Variants in MECOM observed in about 807,000 individuals in gnomAD.
The protein encoded by MECOM is MDS1 and EVI1 complex locus, also known as histone-lysine N-methyltransferase MECOM.
Under a neutral mutation model 116.3 loss-of-function variants are expected in MECOM, and 13 were observed. The observed-to-expected ratio is 0.11, with a 90% CI of 0.07 to 0.18. The LOEUF is 0.18. Among genes scored for constraint, MECOM ranks in the 10% least tolerant of loss-of-function variants. The pLI, the probability that MECOM is intolerant of heterozygous loss-of-function variation, is 1.00. For missense variants in MECOM, 1,299 were observed against 1,509.0 expected, an observed-to-expected ratio of 0.86 and a Z score of 2.31; for synonymous variants, 528 against 535.2, an observed-to-expected ratio of 0.99 and a Z score of 0.19.
intron 1 of MECOM, among the ~76,000 whole-genome samples, chr3:169,479,270 A>AGTGTGTGTGTGTGT (rs10629993): frequency 1.3e-5 from 2 of 148,606 alleles, no homozygotes; most frequent in African/African-American, 5.0e-5. Flanking sequence ...TAGGGATGTG[A>AGTGTGTGTGTGTGT]GTGTGTGTGT....
chr3:169,402,097 A>G (rs1735998253), intron 1 of MECOM, among the ~76,000 whole-genome samples: 1 of 152,208 alleles, frequency 6.6e-6, no homozygotes, highest in African/African-American at 2.4e-5. Flanking sequence ...CTGGAGGATG[A>G]AGAATAACAG....
At chr3:169,470,266 G>GA (rs1471710647) in intron 1 of MECOM, 6 of 152,076 alleles carry the variant, frequency 3.9e-5, no homozygotes, top group Non-Finnish European at 1.5e-5. Flanking sequence ...AAGGCCAGGG[G>GA]AAAAAATAAT....
chr3:169,332,470 C>T (rs1322681466), intron 2 of MECOM, among the ~76,000 whole-genome samples: 1 of 151,752 alleles, frequency 6.6e-6, no homozygotes, highest in Non-Finnish European at 1.5e-5. Flanking sequence ...TTTGTTGTAC[C>T]AAGACAAAAA....
In MECOM at chr3:169,381,241, C is replaced by T. The variant is rs376930807; in HGVS notation, c.321G>A (p.Gly107=). Reference sequence around the variant, plus strand: ...TTGACCTCTGCTCTCCCACATAAGGCCCAAACTTTTCACCTACTTCGATCT... The same window carrying T: ...TTGACCTCTGCTCTCCCACATAAGGTCCAAACTTTTCACCTACTTCGATCT... ...KRKIEVGEKF[G]PYVGEQRSNL... The change falls in exon 2 of 17, where the codon GGG becomes GGA. Residue 107 remains glycine (G), a synonymous_variant. Transcript: ENST00000651503. 2.2e-5 allele frequency: 35 copies of T among 1,613,690 alleles called. 1 individual carries two copies. In the African/African-American group the frequency reaches 2.9e-4, roughly 14 times the overall value.
rs1225291440 is a variant in MECOM at position 169,121,214 on chromosome 3, T to C, written c.979-5A>G. ...GTTGCTAGGGTCCGTGAAAACCTGC[T>C]AGGAAATGAGTACTGATTAATCAAG... On this transcript the variant is annotated splice_region_variant and splice_polypyrimidine_tract_variant and intron_variant, in intron 6 of 16. Coordinates refer to ENST00000651503, the MANE Select transcript of MECOM (RefSeq NM_004991.4). The C allele has an allele frequency of 3.7e-6, 6 of 1,608,144 alleles. No homozygotes were observed. The African/African-American group carries it at 5.3e-5, about 14-fold the overall frequency.
chr3:169,473,901 T>TAGAG (rs1433531378), intron 1 of MECOM, among the ~76,000 whole-genome samples: 1 of 113,430 alleles, frequency 8.8e-6, no homozygotes, highest in Non-Finnish European at 1.7e-5. Context: ...ATTATATCTA[T>TAGAG]AGATAGATAG....
intron 2 of MECOM, among the ~76,000 whole-genome samples, chr3:169,298,980 A>G (rs1716166255): frequency 6.6e-6 from 1 of 152,220 alleles, no homozygotes; most frequent in African/African-American, 2.4e-5. Flanking sequence ...CACCATGGAT[A>G]TAAGATTCTG....
chr3:169,401,765 T>A (rs931979130), intron 1 of MECOM, among the ~76,000 whole-genome samples: 2 of 152,094 alleles, frequency 1.3e-5, no homozygotes, highest in African/African-American at 4.8e-5. Context: ...GTATGAAAAG[T>A]ATGAAAGAGC....
chr3:169,477,179 A>T, intron 1 of MECOM: 1 of 136,590 alleles, frequency 7.3e-6, no homozygotes, highest in Non-Finnish European at 1.5e-5. Flanking sequence ...TTGCAATAGG[A>T]AGTCTTCACA....
intron 1 of MECOM, among the ~76,000 whole-genome samples, chr3:169,475,826 G>A (rs1445103640): frequency 1.3e-5 from 2 of 152,142 alleles, no homozygotes; most frequent in Non-Finnish European, 2.9e-5. Flanking sequence ...TGAAACATCA[G>A]TTGCTGCTAG....
intron 10 of MECOM, among the ~76,000 whole-genome samples, chr3:169,104,232 G>A (rs1393105813): frequency 6.6e-6 from 1 of 152,168 alleles, no homozygotes; most frequent in Non-Finnish European, 1.5e-5. Context: ...ACAGAGGTTG[G>A]AGGAAATTCT....
chr3:169,449,972 G>C (rs1745273041), intron 1 of MECOM, among the ~76,000 whole-genome samples: 1 of 152,070 alleles, frequency 6.6e-6, no homozygotes, highest in Non-Finnish European at 1.5e-5. Context: ...AGAAACACTG[G>C]GGAGAAAAGT....
intron 1 of MECOM, among the ~76,000 whole-genome samples, chr3:169,576,894 T>C (rs1245833262): frequency 1.3e-5 from 2 of 151,448 alleles, no homozygotes; most frequent in African/African-American, 4.9e-5. Context: ...TTTGGGGATT[T>C]GGAGTTAATA....
intron 1 of MECOM, among the ~76,000 whole-genome samples, chr3:169,468,343 G>A (rs1748651374): frequency 6.6e-6 from 1 of 151,962 alleles, no homozygotes; most frequent in Admixed American, 6.6e-5. Context: ...CTGGTCTCAT[G>A]TTCTCTCTTT....
chr3:169,245,345 G>A (rs1055955319), intron 2 of MECOM, among the ~76,000 whole-genome samples: 1 of 152,036 alleles, frequency 6.6e-6, no homozygotes, highest in African/African-American at 2.4e-5. Flanking sequence ...AGAGACATTA[G>A]CTTTAAAAAA....
chr3:169,284,234 G>A (rs952763306), intron 2 of MECOM, among the ~76,000 whole-genome samples: 1 of 152,058 alleles, frequency 6.6e-6, no homozygotes, highest in Non-Finnish European at 1.5e-5. Flanking sequence ...TTACGATACC[G>A]CCTGCTCCCA....
intron 1 of MECOM, among the ~76,000 whole-genome samples, chr3:169,382,849 C>CAAAAAAAAAAAAAAAAAAAAAAAA (rs1157852145): frequency 4.2e-5 from 2 of 47,158 alleles, no homozygotes; most frequent in African/African-American, 8.9e-5. Flanking sequence ...AAGCCCATCT[C>CAAAAAAAAAAAAAAAAAAAAAAAA]AAAAAAAAAA....
At chr3:169,360,904 T>A (rs1302701959) in intron 2 of MECOM, among the ~76,000 whole-genome samples, 2 of 151,826 alleles carry the variant, frequency 1.3e-5, no homozygotes, top group African/African-American at 4.8e-5. Flanking sequence ...AATAAAAGCA[T>A]GCGGATCTTC....
intron 1 of MECOM, among the ~76,000 whole-genome samples, chr3:169,531,619 G>A (rs1002184366): frequency 3.3e-5 from 5 of 152,064 alleles, no homozygotes; most frequent in Admixed American, 6.5e-5. Flanking sequence ...GTACAAGTGC[G>A]CTCCAATATT....
Sources: allele counts gnomAD v4.1 joint callset (sites outside exome capture counted in the v4.1 genomes callset), GRCh38; gene constraint gnomAD v4.1.1; transcripts MANE v1.5; gene names NCBI Gene and HGNC (gene_info 2026-07-23, HGNC 2026-07-21).